PPP2R2B: variants seen among roughly 807,000 people sequenced by gnomAD.
The protein encoded by PPP2R2B is protein phosphatase 2 regulatory subunit Bbeta, also known as serine/threonine-protein phosphatase 2A 55 kDa regulatory subunit B beta isoform.
PPP2R2B carries 5 observed loss-of-function variants against 46.0 expected under a neutral mutation model. That is an observed-to-expected ratio of 0.11 (90% CI 0.06 to 0.23). The LOEUF (loss-of-function observed/expected upper bound fraction) is 0.23. PPP2R2B is among the 10% of genes least tolerant of loss of function. PPP2R2B has a pLI of 1.00. For synonymous variants in PPP2R2B, 215 were observed against 206.7 expected (o/e 1.04, Z -0.34); for missense variants, 367 against 575.0 (o/e 0.64, Z 3.70).
Position 146,588,434 on chromosome 5 carries a change from G to GAA in PPP2R2B, c.*1511_*1512dup, listed in dbSNP as rs1350160918. 6.6e-6 allele frequency: 1 copy of GAA among 152,116 alleles called. No individual in the cohort carries two copies. Among genetic ancestry groups the GAA allele is most frequent in the African/African-American group, 2.4e-5 (1 of 41,408 alleles). The allele number at this position is 152,116 out of a possible 1,614,324, so 9.4% of individuals were successfully genotyped here. A position where few individuals can be genotyped will look rare whatever the true frequency, so the allele number is the denominator to read the frequency against. On this transcript the variant is annotated 3_prime_UTR_variant, in exon 10 of 10. Transcript: ENST00000394411. ...AGGACTTCTAATACATCTGTAAACT[G>GAA]AAAGAAAATTTCCCTTTCATTGAAA...
intron 5 of PPP2R2B, among the ~76,000 whole-genome samples, chr5:146,687,038 T>C (rs990407460): frequency 7.1e-6 from 1 of 140,042 alleles, no homozygotes; most frequent in Non-Finnish European, 1.5e-5. Flanking sequence ...TGTGTGTGTG[T>C]GTGGCAGGGA....
At chr5:146,985,822 A>T (rs1375557341) in intron 1 of PPP2R2B, among the ~76,000 whole-genome samples, 18 of 152,204 alleles carry the variant, frequency 1.2e-4, no homozygotes, top group Non-Finnish European at 1.5e-5. Flanking sequence ...TAAAAATCCT[A>T]AGACTCCTTC....
chr5:147,073,253 C>T (rs1201037251), intron 2 of PPP2R2B, among the ~76,000 whole-genome samples: 1 of 152,152 alleles, frequency 6.6e-6, no homozygotes, highest in Non-Finnish European at 1.5e-5. Context: ...TTACCTAATG[C>T]TTACAAAGAG....
rs1350653118 is a variant in PPP2R2B, at chr5:146,983,702, G to T, written c.79+71963C>A. ...CTCATCAGACATTGTCATAATTTTTGCTTCAATTGTTAAATATAATTTAGA... is the reference window on the plus strand; with the variant it reads ...CTCATCAGACATTGTCATAATTTTTTCTTCAATTGTTAAATATAATTTAGA... On this transcript the variant is annotated intron_variant, in intron 1 of 8. Transcript: ENST00000336640. Among the ~76,000 whole-genome samples, 4 of 152,064 alleles carry T rather than the reference G, an allele frequency of 2.6e-5. No homozygotes were observed. The East Asian group carries it at 7.7e-4, about 29-fold the overall frequency.
intron 1 of PPP2R2B, among the ~76,000 whole-genome samples, chr5:146,971,403 G>A (rs753303690): frequency 6.6e-6 from 1 of 152,106 alleles, no homozygotes; most frequent in Non-Finnish European, 1.5e-5. Flanking sequence ...CCACTCTAGG[G>A]CATCTTGGCC....
intron 2 of PPP2R2B, among the ~76,000 whole-genome samples, chr5:146,774,781 C>T (rs1456305835): frequency 1.4e-5 from 2 of 148,038 alleles, no homozygotes; most frequent in African/African-American, 5.0e-5. Context: ...CATGCCACTG[C>T]ACTCCAGCCT....
chr5:146,595,192 C>T (rs1771052256), intron 8 of PPP2R2B, among the ~76,000 whole-genome samples: 1 of 152,138 alleles, frequency 6.6e-6, no homozygotes, highest in African/African-American at 2.4e-5. Context: ...CAGCAGTGCT[C>T]TTGGCATTGT....
chr5:147,050,337 G>A (rs1756746807), intron 1 of PPP2R2B, among the ~76,000 whole-genome samples: 1 of 152,120 alleles, frequency 6.6e-6, no homozygotes, highest in African/African-American at 2.4e-5. Flanking sequence ...TGAGAATGAT[G>A]GATGAGAAAA....
intron 2 of PPP2R2B, among the ~76,000 whole-genome samples, chr5:146,867,474 C>T (rs528395221): frequency 1.3e-5 from 2 of 152,296 alleles, no homozygotes; most frequent in South Asian, 2.1e-4. Flanking sequence ...GTCCCAAATG[C>T]ATGGAGTAGA....
At chr5:147,064,783 C>G (rs940790108) in intron 2 of PPP2R2B, among the ~76,000 whole-genome samples, 3 of 152,180 alleles carry the variant, frequency 2.0e-5, no homozygotes, top group African/African-American at 7.2e-5. Context: ...GATACCAGCA[C>G]ATTGAAAAAT....
intron 1 of PPP2R2B, among the ~76,000 whole-genome samples, chr5:146,959,899 G>A (rs1018760707): frequency 1.3e-5 from 2 of 152,160 alleles, no homozygotes; most frequent in South Asian, 2.1e-4. Context: ...CAATGACAGA[G>A]CTCAAGAGGT....
intron 5 of PPP2R2B, among the ~76,000 whole-genome samples, chr5:146,684,396 A>T (rs1010894718): frequency 6.6e-6 from 1 of 152,232 alleles, no homozygotes; most frequent in Admixed American, 6.5e-5. Context: ...GAGTATTACG[A>T]CATAGGTACC....
At chr5:146,934,947 T>C (rs589793) in intron 1 of PPP2R2B, among the ~76,000 whole-genome samples, 72,851 of 151,932 alleles carry the variant, frequency 0.48, 20,044 homozygotes, top group East Asian at 0.73. Flanking sequence ...AATTATCACT[T>C]TTCTACTGCA....
intron 1 of PPP2R2B, among the ~76,000 whole-genome samples, chr5:147,006,079 CATACA>C (rs1754424332): frequency 6.6e-6 from 1 of 152,092 alleles, no homozygotes. Flanking sequence ...AATTAATTAC[CATACA>C]AAGGTCTGAC....
chr5:147,061,177 C>T (rs1381761130), intron 2 of PPP2R2B, among the ~76,000 whole-genome samples: 1 of 152,124 alleles, frequency 6.6e-6, no homozygotes, highest in Non-Finnish European at 1.5e-5. Context: ...TAAGGTTTAG[C>T]TCTTTGAGTT....
intron 2 of PPP2R2B, among the ~76,000 whole-genome samples, chr5:146,865,714 T>C (rs959146172): frequency 2.0e-5 from 3 of 152,216 alleles, no homozygotes; most frequent in Non-Finnish European, 4.4e-5. Flanking sequence ...TCTAATGAGC[T>C]GTCAAACATT....
At chr5:146,782,934 CAA>C (rs1561902999) in intron 2 of PPP2R2B, among the ~76,000 whole-genome samples, 1 of 151,894 alleles carries the variant, frequency 6.6e-6, no homozygotes, top group Non-Finnish European at 1.5e-5. Context: ...AATGTGGATA[CAA>C]AAGTGTCATA....
intron 2 of PPP2R2B, among the ~76,000 whole-genome samples, chr5:146,832,870 C>G (rs947694386): frequency 6.6e-6 from 1 of 152,072 alleles, no homozygotes. Context: ...TATACCACCC[C>G]AGGTTTGTGT....
At chr5:146,903,016 G>A (rs576316477) in intron 1 of PPP2R2B, among the ~76,000 whole-genome samples, 140 of 152,204 alleles carry the variant, frequency 9.2e-4, no homozygotes, top group African/African-American at 3.2e-3. Flanking sequence ...GGTTTCCCAG[G>A]CACTCTGTGA....
Sources: allele counts gnomAD v4.1 joint callset (sites outside exome capture counted in the v4.1 genomes callset), GRCh38; gene constraint gnomAD v4.1.1; transcripts MANE v1.5; gene names NCBI Gene and HGNC (gene_info 2026-07-23, HGNC 2026-07-21).